The following TYRP1 variants were observed in gnomAD, a reference collection of about 807,000 sequenced individuals.
The protein encoded by TYRP1 is tyrosinase related protein 1, also known as 5,6-dihydroxyindole-2-carboxylic acid oxidase.
A neutral mutation model predicts 42.8 loss-of-function variants in TYRP1; 49 were observed. The ratio of observed to expected loss-of-function variants is 1.14; its 90% confidence interval spans 0.91 to 1.45. TYRP1 has a LOEUF of 1.45. Among genes scored for constraint, TYRP1 ranks in the 40% most tolerant of loss-of-function variants. The probability of loss-of-function intolerance (pLI) is 0.00; values close to 1 mark genes in which losing one functional copy is unlikely to be tolerated. For missense variants in TYRP1, 848 were observed against 662.0 expected, an observed-to-expected ratio of 1.28 and a Z score of -3.08; for synonymous variants, 279 against 235.4, an observed-to-expected ratio of 1.19 and a Z score of -1.69.
At chr9:12,697,751 G>A (rs1028274826) in intron 3 of TYRP1, among the ~76,000 whole-genome samples, 3 of 152,122 alleles carry the variant, frequency 2.0e-5, no homozygotes, top group Admixed American at 6.6e-5. Context: ...GATCAGCTTT[G>A]AATGGAAACT....
intron 4 of TYRP1, among the ~76,000 whole-genome samples, chr9:12,702,032 G>A (rs1818177032): frequency 6.6e-6 from 1 of 151,908 alleles, no homozygotes; most frequent in South Asian, 2.1e-4. Context: ...ATCTGTTAGT[G>A]TGATTCTTTT....
Position 12,709,023 on chromosome 9 carries a change from C to T in TYRP1, c.1455C>T (p.Gly485=), listed in dbSNP as rs939397722. ...AGATAATTGCCATAGCAGTAGTTGG[C>T]GCTTTGTTACTGGTTGCACTCATTT... The part of the protein sequence containing the change: ...VPEIIAIAVV[G]ALLLVALIFG... The change falls in exon 8 of 8, where the codon GGC becomes GGT. Residue 485 remains glycine, a synonymous_variant. Transcript: ENST00000388918. 6 of 1,612,482 alleles carry T rather than the reference C, an allele frequency of 3.7e-6. No homozygotes were observed. The highest frequency in any genetic ancestry group is 2.2e-5 in the East Asian group (1 of 44,814).
In TYRP1 at chr9:12,695,580, G is replaced by C; in HGVS notation, c.451G>C (p.Ala151Pro). ...KNHFVRALDM[A>P]KRTTHPLFVI... ...CCACTTTGTCCGGGCCCTGGATATG[G>C]CAAAGCGCACAACTCACCCTTTATT... The change falls in exon 3 of 8, where the codon GCA becomes CCA. Residue 151 changes from alanine to proline, a missense_variant. Ala to Pro is a conservative substitution (Grantham distance 27). Coordinates refer to ENST00000388918, the MANE Select transcript of TYRP1 (RefSeq NM_000550.3). 6.2e-7 allele frequency: 1 copy of C among 1,614,128 alleles called. No homozygotes were observed. Among genetic ancestry groups the C allele is most frequent in the South Asian group, 1.1e-5 (1 of 91,082 alleles).
chr9:12,703,190 G>T (rs1305898975), intron 5 of TYRP1, among the ~76,000 whole-genome samples: 1 of 151,356 alleles, frequency 6.6e-6, no homozygotes, highest in Non-Finnish European at 1.5e-5. Flanking sequence ...TTATAAACTT[G>T]TTATTGTTAA....
chr9:12,699,326 C>G (rs544071108), intron 4 of TYRP1, among the ~76,000 whole-genome samples: 2 of 151,746 alleles, frequency 1.3e-5, no homozygotes, highest in Non-Finnish European at 2.9e-5. Context: ...GCTTTCTGTT[C>G]TCCTCCTTGG....
intron 6 of TYRP1, 87 bp downstream of exon 6, chr9:12,704,792 G>T (rs904226481): frequency 7.7e-7 from 1 of 1,305,610 alleles, no homozygotes; most frequent in Non-Finnish European, 1.1e-6. Flanking sequence ...AGCACTCAGC[G>T]CATAAAAACA....
intron 6 of TYRP1, among the ~76,000 whole-genome samples, chr9:12,706,835 G>A (rs1428658573): frequency 6.6e-6 from 1 of 151,946 alleles, no homozygotes; most frequent in East Asian, 1.9e-4. Context: ...GTCTAGGAGT[G>A]GAGGGATGGA....
chr9:12,702,480 A>T (rs1009608355), intron 5 of TYRP1, 42 bp downstream of exon 5: 8 of 1,592,634 alleles, frequency 5.0e-6, no homozygotes, highest in Admixed American at 1.7e-5. Context: ...TCTAGTTATC[A>T]GAGAAAACTG....
At chr9:12,705,978 T>G (rs1369006722) in intron 6 of TYRP1, among the ~76,000 whole-genome samples, 1 of 152,112 alleles carries the variant, frequency 6.6e-6, no homozygotes, top group African/African-American at 2.4e-5. Flanking sequence ...GAGTGACTTT[T>G]GAAATACAAT....
intron 1 of TYRP1, 133 bp downstream of exon 1, chr9:12,693,611 T>A (rs1818028710): frequency 5.3e-6 from 1 of 188,924 alleles, no homozygotes; most frequent in Non-Finnish European, 1.1e-5. Context: ...AAGGTTAAAT[T>A]AAATGTAATT....
intron 4 of TYRP1, among the ~76,000 whole-genome samples, chr9:12,701,460 G>T (rs7849111): frequency 1.3e-5 from 2 of 151,772 alleles, no homozygotes; most frequent in African/African-American, 2.4e-5. Context: ...ACAGATAGGG[G>T]GTGTTATAGA....
At chr9:12,696,905 A>T (rs1230100795) in intron 3 of TYRP1, among the ~76,000 whole-genome samples, 1 of 152,204 alleles carries the variant, frequency 6.6e-6, no homozygotes, top group Non-Finnish European at 1.5e-5. Flanking sequence ...GTTTAGATTC[A>T]TTTATTAATT....
chr9:12,696,355 A>G (rs1055256381), intron 3 of TYRP1, among the ~76,000 whole-genome samples: 1 of 152,108 alleles, frequency 6.6e-6, no homozygotes, highest in Non-Finnish European at 1.5e-5. Context: ...TCATTGAACT[A>G]TATTTTTCCA....
chr9:12,694,263 C>T lies in TYRP1; in HGVS notation c.267C>T (p.Val89=), dbSNP rs1818041045. Residue 89 remains valine (V), a synonymous_variant, in exon 2 of 8, where the codon GTC becomes GTT. Coordinates refer to ENST00000388918, the MANE Select transcript of TYRP1 (RefSeq NM_000550.3). ...YPHDGRDDRE[V]WPLRFFNRTC... ...ATGATGGCAGAGATGATCGGGAGGTCTGGCCCTTGCGCTTCTTCAATAGGA... is the reference window on the plus strand; with the variant it reads ...ATGATGGCAGAGATGATCGGGAGGTTTGGCCCTTGCGCTTCTTCAATAGGA... 1 of 1,613,734 alleles carries T rather than the reference C, an allele frequency of 6.2e-7. No homozygotes were observed. The highest frequency in any genetic ancestry group is 1.1e-5 in the South Asian group (1 of 91,022).
intron 3 of TYRP1, among the ~76,000 whole-genome samples, chr9:12,698,132 GTA>G (rs1294968098): frequency 6.6e-6 from 1 of 151,924 alleles, no homozygotes; most frequent in Admixed American, 6.6e-5. Context: ...TAACTTTTTT[GTA>G]TAACCAATAT....
At chr9:12,703,264 T>C (rs1818202489) in intron 5 of TYRP1, among the ~76,000 whole-genome samples, 1 of 151,956 alleles carries the variant, frequency 6.6e-6, no homozygotes, top group Non-Finnish European at 1.5e-5. Context: ...AAAATGCAAA[T>C]ACATTTCTCT....
At chr9:12,705,574 C>T (rs1818244488) in intron 6 of TYRP1, among the ~76,000 whole-genome samples, 1 of 152,004 alleles carries the variant, frequency 6.6e-6, no homozygotes, top group Non-Finnish European at 1.5e-5. Flanking sequence ...TAAGAAACAA[C>T]TTACACATAA....
rs41314563 is a variant in TYRP1 at position 12,706,770 on chromosome 9, A to C, written c.1262-1227A>C. Among the ~76,000 whole-genome samples the C allele has an allele frequency of 1.1e-4, 16 of 152,120 alleles. No individual in the cohort carries two copies. The East Asian group carries it at 3.1e-3, about 29-fold the overall frequency. ...GTGAAGAAGAGAAAGAAAAATTAGA[A>C]AGATTAAAAAAATTTATAAAACTGT... On this transcript the variant is annotated intron_variant, in intron 6 of 7. Transcript: ENST00000388918.
intron 4 of TYRP1, among the ~76,000 whole-genome samples, chr9:12,701,265 G>A (rs1469698490): frequency 1.3e-5 from 2 of 151,156 alleles, no homozygotes; most frequent in Non-Finnish European, 2.9e-5. Flanking sequence ...CTTTCCTACA[G>A]TCCACTACTA....
Sources: allele counts gnomAD v4.1 joint callset (sites outside exome capture counted in the v4.1 genomes callset), GRCh38; gene constraint gnomAD v4.1.1; transcripts MANE v1.5; gene names NCBI Gene and HGNC (gene_info 2026-07-23, HGNC 2026-07-21).